RERE: variants seen among roughly 807,000 people sequenced by gnomAD.
RERE encodes arginine-glutamic acid dipeptide repeats, also known as arginine-glutamic acid dipeptide repeats protein.
A neutral mutation model predicts 146.1 loss-of-function variants in RERE; 40 were observed. The observed-to-expected ratio is 0.27, with a 90% CI of 0.21 to 0.36. RERE has a LOEUF of 0.36. Ranked by LOEUF, RERE falls within the 10% of genes least tolerant of loss-of-function variation. The pLI, the probability that RERE is intolerant of heterozygous loss-of-function variation, is 1.00. For missense variants in RERE, 1,933 were observed against 2,138.7 expected (o/e 0.90, Z 1.90); for synonymous variants, 1,003 against 866.0 (o/e 1.16, Z -2.78).
intron 7 of RERE, among the ~76,000 whole-genome samples, chr1:8,530,683 T>TC (rs1351125820): frequency 3.5e-5 from 4 of 115,520 alleles, no homozygotes; most frequent in Non-Finnish European, 3.6e-5. Context: ...CGTTTTCTTT[T>TC]TTTTTTTTTT....
At chr1:8,626,052 G>A (rs1218187985) in intron 2 of RERE, among the ~76,000 whole-genome samples, 2 of 152,168 alleles carry the variant, frequency 1.3e-5, no homozygotes, top group African/African-American at 4.8e-5. Context: ...GGTCCCAGAT[G>A]CTAAATAACT....
At chr1:8,727,650 C>A (rs1190629859) in intron 1 of RERE, among the ~76,000 whole-genome samples, 1 of 152,118 alleles carries the variant, frequency 6.6e-6, no homozygotes, top group Non-Finnish European at 1.5e-5. Flanking sequence ...CGCGCCACCA[C>A]GTCCAGCTGA....
chr1:8,734,593 C>T (rs1414515391), intron 1 of RERE, among the ~76,000 whole-genome samples: 2 of 152,116 alleles, frequency 1.3e-5, no homozygotes, highest in Admixed American at 6.5e-5. Context: ...CTCCCTGCCT[C>T]GGTCTGCTCA....
At chr1:8,626,293 C>A (rs192636943) in intron 2 of RERE, among the ~76,000 whole-genome samples, 1 of 152,308 alleles carries the variant, frequency 6.6e-6, no homozygotes, top group East Asian at 1.9e-4. Flanking sequence ...ATACCCACTG[C>A]CAGCATTTCA....
At chr1:8,565,033 T>A (rs1040835076) in intron 4 of RERE, among the ~76,000 whole-genome samples, 4 of 152,018 alleles carry the variant, frequency 2.6e-5, no homozygotes, top group African/African-American at 9.7e-5. Context: ...ACAACCCAAC[T>A]CACAGAAGTG....
intron 1 of RERE, among the ~76,000 whole-genome samples, chr1:8,680,643 G>T (rs1275576379): frequency 1.1e-4 from 17 of 152,108 alleles, no homozygotes; most frequent in Admixed American, 1.1e-3. Flanking sequence ...GGGCTTCAGG[G>T]TAAAAAGGAA....
chr1:8,732,347 T>A (rs949775111), intron 1 of RERE, among the ~76,000 whole-genome samples: 2 of 152,172 alleles, frequency 1.3e-5, no homozygotes, highest in Admixed American at 1.3e-4. Context: ...AAGAGGAACA[T>A]TAAACACATA....
intron 1 of RERE, among the ~76,000 whole-genome samples, chr1:8,762,001 T>C (rs150867740): frequency 9.3e-4 from 142 of 152,322 alleles, no homozygotes; most frequent in African/African-American, 3.3e-3. Context: ...TTTCATGACA[T>C]ACTAGAAATA....
chr1:8,448,308 G>A (rs1366020603), intron 11 of RERE, among the ~76,000 whole-genome samples: 1 of 152,156 alleles, frequency 6.6e-6, no homozygotes, highest in African/African-American at 2.4e-5. Context: ...ACAGCAACTG[G>A]TCCAAGGCAC....
intron 11 of RERE, among the ~76,000 whole-genome samples, chr1:8,448,730 G>A (rs573674447): frequency 4.5e-4 from 68 of 152,248 alleles, no homozygotes; most frequent in Admixed American, 9.8e-4. Context: ...TTGGGAGGCT[G>A]AGGCAGTAGA....
chr1:8,583,512 G>A (rs919124506), intron 4 of RERE, among the ~76,000 whole-genome samples: 2 of 152,108 alleles, frequency 1.3e-5, no homozygotes, highest in African/African-American at 2.4e-5. Flanking sequence ...TGCCCATGCC[G>A]ACAGCAGGTC....
chr1:8,501,023 C>A (rs1645133027), intron 8 of RERE, among the ~76,000 whole-genome samples: 2 of 104,998 alleles, frequency 1.9e-5, no homozygotes, highest in Admixed American at 9.2e-5. Flanking sequence ...GCAGCCACCC[C>A]GTCCGGGAGG....
intron 1 of RERE, among the ~76,000 whole-genome samples, chr1:8,771,838 A>T (rs1439728537): frequency 7.2e-6 from 1 of 139,104 alleles, no homozygotes; most frequent in Non-Finnish European, 1.5e-5. Flanking sequence ...TGAACCCGGG[A>T]GGCGGAGCTT....
At chr1:8,394,637 G>A (rs1642989839) in intron 12 of RERE, among the ~76,000 whole-genome samples, 1 of 152,182 alleles carries the variant, frequency 6.6e-6, no homozygotes, top group African/African-American at 2.4e-5. Context: ...ATCACTCAGT[G>A]CTGGAGAGGG....
intron 1 of RERE, chr1:8,753,412 T>C (rs949435668): frequency 2.0e-5 from 3 of 152,216 alleles, no homozygotes; most frequent in Non-Finnish European, 4.4e-5. Flanking sequence ...ATTTTTAAGG[T>C]AGGTTTTTAA....
At chr1:8,796,878 T>C (rs1475146189) in intron 1 of RERE, among the ~76,000 whole-genome samples, 1 of 152,124 alleles carries the variant, frequency 6.6e-6, no homozygotes, top group Non-Finnish European at 1.5e-5. Flanking sequence ...TTTAGTTCCA[T>C]CAAAATCAAC....
intron 12 of RERE, among the ~76,000 whole-genome samples, chr1:8,396,013 A>T (rs1643043572): frequency 6.6e-6 from 1 of 152,164 alleles, no homozygotes; most frequent in South Asian, 2.1e-4. Flanking sequence ...TCCATTAACT[A>T]CCCACCTTGA....
intron 12 of RERE, among the ~76,000 whole-genome samples, chr1:8,383,773 C>T (rs1296950905): frequency 1.3e-5 from 2 of 152,034 alleles, no homozygotes; most frequent in Admixed American, 6.6e-5. Context: ...GCAGGAGAAT[C>T]GCTTGAGCCC....
At chr1:8,705,569 AT>A (rs1407112400) in intron 1 of RERE, among the ~76,000 whole-genome samples, 1 of 152,138 alleles carries the variant, frequency 6.6e-6, no homozygotes, top group African/African-American at 2.4e-5. Context: ...CCTTCACAGC[AT>A]TGATCTCCGT....
Sources: allele counts gnomAD v4.1 joint callset (sites outside exome capture counted in the v4.1 genomes callset), GRCh38; gene constraint gnomAD v4.1.1; transcripts MANE v1.5; gene names NCBI Gene and HGNC (gene_info 2026-07-23, HGNC 2026-07-21).